Variants in PAM observed in about 807,000 individuals in gnomAD.
PAM encodes the protein peptidyl-glycine alpha-amidating monooxygenase.
A neutral mutation model predicts 122.1 loss-of-function variants in PAM; 72 were observed. The observed-to-expected ratio is 0.59, with a 90% confidence interval of 0.49 to 0.72. The LOEUF is 0.72. Among genes scored for constraint, PAM ranks in the 30% least tolerant of loss-of-function variants. The probability of loss-of-function intolerance (pLI) is 0.00; values close to 1 mark genes in which losing one functional copy is unlikely to be tolerated. For missense variants in PAM, 1,106 were observed against 1,183.7 expected (o/e 0.93, Z 0.96); for synonymous variants, 389 against 404.4 (o/e 0.96, Z 0.46).
At chr5:102,945,542 CCTGA>C (rs1756762702) in intron 7 of PAM, among the ~76,000 whole-genome samples, 2 of 151,742 alleles carry the variant, frequency 1.3e-5, no homozygotes, top group African/African-American at 4.8e-5. Flanking sequence ...AATCCTCTTA[CCTGA>C]CTATTTTAGT....
intron 1 of PAM, among the ~76,000 whole-genome samples, chr5:102,828,030 C>A (rs988793074): frequency 3.3e-5 from 5 of 151,998 alleles, no homozygotes; most frequent in Non-Finnish European, 7.4e-5. Flanking sequence ...AAACTATTCT[C>A]AATTCTTTCT....
intron 14 of PAM, among the ~76,000 whole-genome samples, chr5:102,972,797 T>G (rs986730611): frequency 8.5e-5 from 13 of 152,232 alleles, no homozygotes; most frequent in Admixed American, 7.2e-4. Flanking sequence ...GCTTTGTTTA[T>G]TTTACTGAGA....
chr5:102,924,633 T>C (rs1315290045), intron 5 of PAM, among the ~76,000 whole-genome samples: 1 of 152,118 alleles, frequency 6.6e-6, no homozygotes, highest in Non-Finnish European at 1.5e-5. Context: ...ACAGACCGTC[T>C]ATGTAATGCT....
chr5:102,791,477 C>G (rs1762044407), intron 1 of PAM, among the ~76,000 whole-genome samples: 1 of 151,820 alleles, frequency 6.6e-6, no homozygotes, highest in African/African-American at 2.4e-5. Context: ...ATTATTTTTA[C>G]TTCTACATGT....
intron 7 of PAM, among the ~76,000 whole-genome samples, chr5:102,943,228 T>A (rs552880902): frequency 6.6e-6 from 1 of 152,100 alleles, no homozygotes; most frequent in East Asian, 1.9e-4. Flanking sequence ...AGAGGAAAAA[T>A]TAGGAGAGAC....
chr5:102,985,961 T>A (rs1771680475), intron 15 of PAM, among the ~76,000 whole-genome samples: 1 of 152,096 alleles, frequency 6.6e-6, no homozygotes, highest in Admixed American at 6.5e-5. Flanking sequence ...GTACAGCACA[T>A]CAACAGAATG....
intron 14 of PAM, among the ~76,000 whole-genome samples, chr5:102,962,774 C>A (rs1414719440): frequency 6.6e-6 from 1 of 151,642 alleles, no homozygotes; most frequent in East Asian, 1.9e-4. Context: ...CGCCTACAAA[C>A]CAGATTCTTT....
At chr5:102,858,788 A>G (rs1783293177) in intron 1 of PAM, among the ~76,000 whole-genome samples, 1 of 152,196 alleles carries the variant, frequency 6.6e-6, no homozygotes, top group Non-Finnish European at 1.5e-5. Flanking sequence ...TCCATAGAAA[A>G]TCTCTGGAAA....
intron 15 of PAM, among the ~76,000 whole-genome samples, chr5:102,977,603 A>T (rs777574513): frequency 1.7e-4 from 26 of 151,628 alleles, no homozygotes; most frequent in Non-Finnish European, 3.1e-4. Flanking sequence ...TTGAAAGGAG[A>T]CCCATCAAGT....
chr5:102,940,320 A>T (rs924292396), intron 7 of PAM, among the ~76,000 whole-genome samples: 1 of 151,684 alleles, frequency 6.6e-6, no homozygotes, highest in East Asian at 1.9e-4. Flanking sequence ...TATTTTATCT[A>T]GTACTTTCTT....
rs1777838859 is a variant in PAM at position 103,002,980 on chromosome 5, A to G, written c.1614-53A>G. 5 of 846,272 alleles carry G rather than the reference A, an allele frequency of 5.9e-6. No individual in the cohort carries two copies. In the East Asian group the frequency reaches 9.7e-5, roughly 16 times the overall value. The allele number at this position is 846,272 out of a possible 1,614,324, so 52.4% of individuals were successfully genotyped here. On this transcript the variant is annotated intron_variant, in intron 16 of 25. Coordinates refer to ENST00000438793, the MANE Select transcript of PAM (RefSeq NM_001177306.2). ...TTATGTGAATGGTCTGCATTTCTCA[A>G]TTTCATTGGAATTTATGATTGTTTC...
intron 15 of PAM, among the ~76,000 whole-genome samples, chr5:102,979,181 T>G (rs1768877146): frequency 6.6e-6 from 1 of 152,126 alleles, no homozygotes; most frequent in African/African-American, 2.4e-5. Context: ...GTATTGGTCA[T>G]GGTTTCCTGA....
chr5:102,934,511 T>C (rs1291530284), intron 7 of PAM, among the ~76,000 whole-genome samples: 3 of 152,170 alleles, frequency 2.0e-5, no homozygotes, highest in African/African-American at 7.2e-5. Flanking sequence ...TCCTTCTTTA[T>C]TCTCAAGGCT....
chr5:102,888,382 C>T (rs973495819), intron 3 of PAM, among the ~76,000 whole-genome samples: 9 of 151,858 alleles, frequency 5.9e-5, no homozygotes, highest in African/African-American at 2.2e-4. Context: ...ATTTCATGCC[C>T]CATACCCCTC....
chr5:102,773,082 C>T (rs1756239710), intron 1 of PAM, among the ~76,000 whole-genome samples: 2 of 152,050 alleles, frequency 1.3e-5, no homozygotes, highest in African/African-American at 4.8e-5. Context: ...GACATTGGCT[C>T]AATATTTAAG....
At chr5:103,002,906 GCAGA>G in intron 16 of PAM, 123 bp from the exon 17 acceptor site, 1 of 638,112 alleles carries the variant, frequency 1.6e-6, no homozygotes, top group South Asian at 1.9e-5. Context: ...CTGAAATGTG[GCAGA>G]CAAAGAGTGA....
intron 4 of PAM, among the ~76,000 whole-genome samples, chr5:102,903,668 G>C (rs1389067234): frequency 6.6e-6 from 1 of 151,488 alleles, no homozygotes; most frequent in Non-Finnish European, 1.5e-5. Flanking sequence ...CATAACCTAA[G>C]CCAATTTTCA....
chr5:102,840,245 T>C (rs1778217779), intron 1 of PAM, among the ~76,000 whole-genome samples: 1 of 152,164 alleles, frequency 6.6e-6, no homozygotes, highest in Non-Finnish European at 1.5e-5. Context: ...TTATCTTCAT[T>C]TGTTGTTTAT....
chr5:102,877,818 A>G (rs1384529603), intron 3 of PAM, among the ~76,000 whole-genome samples: 1 of 152,142 alleles, frequency 6.6e-6, no homozygotes, highest in Middle Eastern at 3.2e-3. Flanking sequence ...GCATGAGGCC[A>G]GGAGTTTGAG....
Sources: allele counts gnomAD v4.1 joint callset (sites outside exome capture counted in the v4.1 genomes callset), GRCh38; gene constraint gnomAD v4.1.1; transcripts MANE v1.5; gene names NCBI Gene and HGNC (gene_info 2026-07-23, HGNC 2026-07-21).